Variants in ZBTB20 observed in about 807,000 individuals in gnomAD.
ZBTB20 encodes the protein zinc finger and BTB domain-containing protein 20.
Under a neutral mutation model 56.9 loss-of-function variants are expected in ZBTB20, and 9 were observed. The ratio of observed to expected loss-of-function variants is 0.16; its 90% CI spans 0.10 to 0.28. The LOEUF is 0.28. ZBTB20 is among the 10% of genes least tolerant of loss of function. The probability of loss-of-function intolerance (pLI) is 1.00; values close to 1 mark genes in which losing one functional copy is unlikely to be tolerated. For synonymous variants in ZBTB20, 417 were observed against 420.7 expected, an observed-to-expected ratio of 0.99 and a Z score of 0.11; for missense variants, 655 against 1,003.0, an observed-to-expected ratio of 0.65 and a Z score of 4.69.
chr3:114,470,927 G>C, intron 7 of ZBTB20, among the ~76,000 whole-genome samples: 1 of 152,146 alleles, frequency 6.6e-6, no homozygotes, highest in East Asian at 1.9e-4. Context: ...AGATATAGGA[G>C]ATTAAGTCTC....
chr3:114,656,629 C>T (rs2060419301), intron 6 of ZBTB20, among the ~76,000 whole-genome samples: 1 of 152,136 alleles, frequency 6.6e-6, no homozygotes, highest in South Asian at 2.1e-4. Flanking sequence ...TATTGTTAAG[C>T]CACTTCAATG....
intron 2 of ZBTB20, among the ~76,000 whole-genome samples, chr3:115,066,593 T>C (rs1012239514): frequency 2.6e-5 from 4 of 152,240 alleles, no homozygotes; most frequent in African/African-American, 9.6e-5. Flanking sequence ...TTTTTCTCAA[T>C]AGAACTAAGA....
chr3:114,380,511 G>A (rs2084187042), intron 9 of ZBTB20, 107 bp from the exon 10 acceptor site: 1 of 1,333,468 alleles, frequency 7.5e-7, no homozygotes, highest in African/African-American at 1.5e-5. Flanking sequence ...GAAGGGGGAT[G>A]GGAGGGAGTC....
intron 4 of ZBTB20, among the ~76,000 whole-genome samples, chr3:114,803,171 A>C: frequency 6.6e-6 from 1 of 150,400 alleles, no homozygotes; most frequent in East Asian, 2.0e-4. Context: ...AATGAGGCTC[A>C]AAAATAACAT....
At chr3:114,551,461 T>G (rs2050568451) in intron 6 of ZBTB20, among the ~76,000 whole-genome samples, 1 of 152,136 alleles carries the variant, frequency 6.6e-6, no homozygotes, top group Non-Finnish European at 1.5e-5. Flanking sequence ...TATATACAAG[T>G]CAATGACTTT....
At chr3:114,818,987 C>T (rs2073098152) in intron 4 of ZBTB20, among the ~76,000 whole-genome samples, 1 of 151,826 alleles carries the variant, frequency 6.6e-6, no homozygotes, top group Non-Finnish European at 1.5e-5. Flanking sequence ...TACAGATAGT[C>T]CCCAACTTAC....
intron 6 of ZBTB20, among the ~76,000 whole-genome samples, chr3:114,569,555 C>T (rs1029519921): frequency 3.9e-5 from 6 of 152,212 alleles, no homozygotes; most frequent in Admixed American, 3.3e-4. Flanking sequence ...GATTAGCTAC[C>T]ACCTCCAGTT....
At chr3:115,026,793 ACAATT>A (rs1026550858) in intron 2 of ZBTB20, among the ~76,000 whole-genome samples, 3 of 150,776 alleles carry the variant, frequency 2.0e-5, no homozygotes, top group Non-Finnish European at 4.5e-5. Context: ...TAAACAAAAA[ACAATT>A]CAAAGTAATT....
At chr3:114,856,386 T>C (rs552137237) in intron 4 of ZBTB20, among the ~76,000 whole-genome samples, 2 of 152,170 alleles carry the variant, frequency 1.3e-5, no homozygotes, top group African/African-American at 2.4e-5. Flanking sequence ...ACCCCTTCAG[T>C]AAAAGAAGCA....
intron 2 of ZBTB20, among the ~76,000 whole-genome samples, chr3:114,998,955 G>A (rs2079134134): frequency 1.4e-5 from 2 of 139,212 alleles, no homozygotes; most frequent in East Asian, 2.5e-4. Flanking sequence ...TCAGAATATG[G>A]TATCATCGAA....
intron 7 of ZBTB20, among the ~76,000 whole-genome samples, chr3:114,490,134 G>T (rs2042573384): frequency 6.6e-6 from 1 of 152,092 alleles, no homozygotes; most frequent in Non-Finnish European, 1.5e-5. Flanking sequence ...TTAAATGGGA[G>T]TTCCCTTGAA....
rs575875985 is a variant in ZBTB20, at chr3:115,064,234, T to C, written c.-507+6985A>G. Reference sequence around the variant, plus strand: ...CCTTTCTCACCTCATTTTAATCACCTGTTTCCTGAACCCTCTATCTTGGTC... The same window carrying C: ...CCTTTCTCACCTCATTTTAATCACCCGTTTCCTGAACCCTCTATCTTGGTC... On this transcript the variant is annotated intron_variant, in intron 2 of 11. Transcript: ENST00000675478. Among the ~76,000 whole-genome samples the C allele has an allele frequency of 6.2e-4, 94 of 152,236 alleles. 1 individual carries two copies. The South Asian group carries it at 9.5e-3, about 15-fold the overall frequency.
intron 1 of ZBTB20, among the ~76,000 whole-genome samples, chr3:115,079,603 A>C (rs1263052203): frequency 6.6e-6 from 1 of 152,148 alleles, no homozygotes; most frequent in Non-Finnish European, 1.5e-5. Flanking sequence ...TGTCCAGTCC[A>C]GGCTGGTCTC....
At chr3:114,911,049 A>G (rs961329170) in intron 3 of ZBTB20, among the ~76,000 whole-genome samples, 25 of 151,904 alleles carry the variant, frequency 1.6e-4, no homozygotes, top group African/African-American at 5.6e-4. Context: ...CTTGTTCTTC[A>G]ATACCCTACA....
chr3:114,590,998 T>A (rs912466220), intron 6 of ZBTB20, among the ~76,000 whole-genome samples: 5 of 152,230 alleles, frequency 3.3e-5, no homozygotes, highest in African/African-American at 1.2e-4. Context: ...TTATCAGACC[T>A]CAGTGAAGAA....
chr3:114,724,513 A>G (rs1490418459), intron 5 of ZBTB20, among the ~76,000 whole-genome samples: 4 of 152,216 alleles, frequency 2.6e-5, no homozygotes, highest in African/African-American at 9.7e-5. Flanking sequence ...GAGTTTAAGA[A>G]TACACGTTCT....
chr3:114,327,082 T>G lies in ZBTB20; in HGVS notation c.*11923A>C, dbSNP rs1030800424. On this transcript the variant is annotated 3_prime_UTR_variant, in exon 12 of 12. Transcript: ENST00000675478. Reference sequence around the variant, plus strand: ...TATTATTTTGATGCATTAGTTACTGTTAGGGCTATTGATGCTCCTGACAGG... The same window carrying G: ...TATTATTTTGATGCATTAGTTACTGGTAGGGCTATTGATGCTCCTGACAGG... The G allele has an allele frequency of 6.6e-6, 1 of 152,164 alleles. No homozygotes were observed. The highest frequency in any genetic ancestry group is 2.1e-4 in the South Asian group (1 of 4,824). 9.4% of individuals were successfully genotyped at this position (152,164 alleles called of 1,614,324 possible). A position where few individuals can be genotyped will look rare whatever the true frequency, so the allele number is the denominator to read the frequency against.
chr3:114,637,091 G>A (rs541874109), intron 6 of ZBTB20, among the ~76,000 whole-genome samples: 1 of 152,006 alleles, frequency 6.6e-6, no homozygotes, highest in Admixed American at 6.6e-5. Flanking sequence ...AAGAGACAGA[G>A]AGAAGGTCAT....
chr3:114,609,533 GA>G (rs1017790658), intron 6 of ZBTB20, among the ~76,000 whole-genome samples: 15 of 152,036 alleles, frequency 9.9e-5, no homozygotes, highest in African/African-American at 2.4e-4. Flanking sequence ...CACTTTGGGG[GA>G]AAAAAACTCT....
Sources: gnomAD v4.1 joint callset for allele counts (sites outside exome capture counted in the v4.1 genomes callset) on GRCh38, gnomAD v4.1.1 for gene constraint, MANE v1.5 for transcripts, NCBI Gene and HGNC (gene_info 2026-07-23, HGNC 2026-07-21) for gene names.